Variants in COL4A3 observed in about 807,000 individuals in gnomAD.
COL4A3 encodes collagen type IV alpha 3 chain.
COL4A3 carries 135 observed loss-of-function variants against 217.4 expected under a neutral mutation model. The ratio of observed to expected loss-of-function variants is 0.62; its 90% CI spans 0.54 to 0.72. COL4A3 has a LOEUF of 0.72. COL4A3 is among the 30% of genes least tolerant of loss of function. COL4A3 has a pLI of 0.00. For missense variants in COL4A3, 1,868 were observed against 2,119.9 expected (o/e 0.88, Z 2.33); for synonymous variants, 690 against 736.3 (o/e 0.94, Z 1.02).
chr2:227,201,839 ACCT>A (rs1260615836), intron 1 of COL4A3, among the ~76,000 whole-genome samples: 1 of 152,092 alleles, frequency 6.6e-6, no homozygotes, highest in African/African-American at 2.4e-5. Flanking sequence ...TTTTCTAAGC[ACCT>A]CCTGATCCCA....
chr2:227,244,767 A>G (rs2069223019), intron 4 of COL4A3, 184 bp from the exon 5 acceptor site: 3 of 778,854 alleles, frequency 3.9e-6, no homozygotes, highest in Admixed American at 1.8e-5. Context: ...TAAGAGTTAC[A>G]TAAATGTGAG....
At chr2:227,303,575 T>C (rs920157474) in intron 44 of COL4A3, among the ~76,000 whole-genome samples, 1 of 152,208 alleles carries the variant, frequency 6.6e-6, no homozygotes. Flanking sequence ...ACTCAAAAAG[T>C]GGACTCTTAG....
In COL4A3 at chr2:227,256,333, T is replaced by C. The variant is rs1438848804; in HGVS notation, c.934-10T>C. ...TCTTCTGACCCATTTCTTTTTGTTC[T>C]TTTCTTTAGGGAGTCAAGGGCAACA... is the stretch of plus-strand genomic sequence containing the variant. On this transcript the variant is annotated splice_polypyrimidine_tract_variant and intron_variant, in intron 16 of 51. Coordinates refer to ENST00000396578, the MANE Select transcript of COL4A3 (RefSeq NM_000091.5). The C allele has an allele frequency of 2.5e-6, 4 of 1,613,482 alleles. No homozygotes were observed. The highest frequency in any genetic ancestry group is 4.5e-5 in the East Asian group (2 of 44,860).
chr2:227,280,833 C>A (rs774333939), intron 30 of COL4A3, 60 bp from the exon 31 acceptor site: 51 of 1,229,384 alleles, frequency 4.1e-5, no homozygotes, highest in Non-Finnish European at 5.6e-5. Flanking sequence ...ATGACTGGTA[C>A]AGCAATACCA....
At chr2:227,289,896 TG>T in intron 35 of COL4A3, 102 bp from the exon 36 acceptor site, 1 of 1,132,816 alleles carries the variant, frequency 8.8e-7, no homozygotes, top group African/African-American at 1.5e-5. Flanking sequence ...CCAGCCGGTC[TG>T]GCTGTTCTGC....
At position 227,174,784 on chromosome 2, in the gene COL4A3, G is replaced by C. The variant is rs528643945; in HGVS notation, c.87+9971G>C. ...GGCCTCCCAAAGTGTTGGGATTATAGGCGTGAGCCCCTGCACCCGGCCTAG... is the reference window on the plus strand; with the variant it reads ...GGCCTCCCAAAGTGTTGGGATTATACGCGTGAGCCCCTGCACCCGGCCTAG... On this transcript the variant is annotated intron_variant, in intron 1 of 51. Transcript: ENST00000396578. Among the ~76,000 whole-genome samples the C allele has an allele frequency of 2.0e-5, 3 of 152,306 alleles. No homozygotes were observed. In the South Asian group the frequency reaches 6.2e-4, roughly 32 times the overall value.
intron 1 of COL4A3, among the ~76,000 whole-genome samples, chr2:227,181,196 G>A (rs1246049073): frequency 1.3e-5 from 2 of 152,136 alleles, no homozygotes; most frequent in Admixed American, 6.5e-5. Flanking sequence ...TGCCTTTCTT[G>A]TCTTTAAAAT....
chr2:227,251,603 GA>G (rs1048549570), intron 11 of COL4A3, among the ~76,000 whole-genome samples: 1 of 151,984 alleles, frequency 6.6e-6, no homozygotes, highest in Non-Finnish European at 1.5e-5. Context: ...TACTTATCAC[GA>G]AAAAAGGCAA....
intron 1 of COL4A3, among the ~76,000 whole-genome samples, chr2:227,205,715 T>G (rs2067076571): frequency 6.6e-6 from 1 of 152,072 alleles, no homozygotes; most frequent in African/African-American, 2.4e-5. Flanking sequence ...CAAATATTTT[T>G]TTTTTTGAAA....
At chr2:227,249,997 C>G (rs1438562731) in intron 9 of COL4A3, among the ~76,000 whole-genome samples, 1 of 152,214 alleles carries the variant, frequency 6.6e-6, no homozygotes, top group Non-Finnish European at 1.5e-5. Context: ...TCTAGGAATA[C>G]AGTAGGGCAT....
intron 1 of COL4A3, among the ~76,000 whole-genome samples, chr2:227,187,455 A>G (rs1334700577): frequency 6.6e-6 from 1 of 152,206 alleles, no homozygotes; most frequent in African/African-American, 2.4e-5. Context: ...AAATGGCTCT[A>G]CAAGCTGGTG....
At chr2:227,252,924 C>T (rs188697625) in intron 11 of COL4A3, among the ~76,000 whole-genome samples, 53 of 152,250 alleles carry the variant, frequency 3.5e-4, no homozygotes, top group African/African-American at 1.3e-3. Context: ...TGAAATGCAG[C>T]TACCCATTCT....
At position 227,283,838 on chromosome 2, in the gene COL4A3, G is replaced by A. The variant is rs749014254; in HGVS notation, c.2728G>A (p.Gly910Ser). ...CCCTCCAGGGCCCCCTGGGAACCCA[G>A]GCACACCAGGGCAGAGGGGTAAGTG... ...IGPPGPPGNP[G>S]TPGQRGSPGI... is the part of the protein sequence containing the mutation. Residue 910 changes from glycine to serine, a missense_variant, in exon 33 of 52, where the codon GGC (glycine) becomes AGC (serine). Around this residue, in one of 2 missense-constraint regions of COL4A3, gnomAD observed 1,503 missense variants for 1,786.1 expected, o/e 0.84. Coordinates refer to ENST00000396578, the MANE Select transcript of COL4A3 (RefSeq NM_000091.5). 2 of 1,613,876 alleles carry A rather than the reference G, an allele frequency of 1.2e-6. No individual in the cohort carries two copies. Among genetic ancestry groups the A allele is most frequent in the East Asian group, 2.2e-5 (1 of 44,892 alleles).
intron 18 of COL4A3, among the ~76,000 whole-genome samples, chr2:227,258,777 T>C (rs892046598): frequency 2.6e-5 from 4 of 152,230 alleles, no homozygotes; most frequent in African/African-American, 7.2e-5. Context: ...CTAAATACTT[T>C]AGTGGAGTTG....
chr2:227,261,293 G>A (rs1384519104), intron 20 of COL4A3, among the ~76,000 whole-genome samples, 176 bp downstream of exon 20: 4 of 152,342 alleles, frequency 2.6e-5, no homozygotes, highest in African/African-American at 7.2e-5. Flanking sequence ...GGGAGACCAC[G>A]GCAGGTGGAT....
intron 43 of COL4A3, among the ~76,000 whole-genome samples, chr2:227,300,163 G>A (rs2073215453): frequency 6.6e-6 from 1 of 152,180 alleles, no homozygotes; most frequent in South Asian, 2.1e-4. Flanking sequence ...CCAGAAGTAA[G>A]AAGTCAATAC....
chr2:227,224,923 C>T (rs1180632235), intron 1 of COL4A3, among the ~76,000 whole-genome samples: 2 of 151,422 alleles, frequency 1.3e-5, no homozygotes, highest in Admixed American at 6.6e-5. Flanking sequence ...TTGTTTTGTT[C>T]TTGTTTTTGA....
chr2:227,218,955 C>G (rs2067643284), intron 1 of COL4A3, among the ~76,000 whole-genome samples: 1 of 151,860 alleles, frequency 6.6e-6, no homozygotes, highest in Non-Finnish European at 1.5e-5. Flanking sequence ...TTCCAATATA[C>G]AATAAAATAG....
At chr2:227,310,016 A>G (rs1259594126) in intron 50 of COL4A3, among the ~76,000 whole-genome samples, 4 of 152,224 alleles carry the variant, frequency 2.6e-5, no homozygotes, top group Non-Finnish European at 5.9e-5. Context: ...TATCATTTAC[A>G]GTTTTACAAA....
Sources: allele counts gnomAD v4.1 joint callset (sites outside exome capture counted in the v4.1 genomes callset), GRCh38; gene constraint gnomAD v4.1.1; regional missense constraint gnomAD v4.1.1; transcripts MANE v1.5; gene names NCBI Gene and HGNC (gene_info 2026-07-23, HGNC 2026-07-21).